MYO10: variants seen among roughly 807,000 people sequenced by gnomAD.
MYO10 encodes the protein myosin X.
MYO10 carries 133 observed loss-of-function variants against 257.3 expected under a neutral mutation model. That is an observed-to-expected ratio of 0.52 (90% CI 0.45 to 0.60). The LOEUF is 0.60. Among genes scored for constraint, MYO10 ranks in the 20% least tolerant of loss-of-function variants. The probability of loss-of-function intolerance (pLI) is 0.00; values close to 1 mark genes in which losing one functional copy is unlikely to be tolerated. For synonymous variants in MYO10, 1,104 were observed against 1,028.6 expected (o/e 1.07, Z -1.40); for missense variants, 2,399 against 2,635.7 (o/e 0.91, Z 1.97).
chr5:16,723,263 CT>C (rs1438434866), intron 19 of MYO10, among the ~76,000 whole-genome samples: 2 of 152,070 alleles, frequency 1.3e-5, no homozygotes, highest in Non-Finnish European at 2.9e-5. Context: ...TGGTGGGCAC[CT>C]GTAGTTCCAG....
chr5:16,916,705 G>A (rs927432133), intron 1 of MYO10, among the ~76,000 whole-genome samples: 2 of 152,078 alleles, frequency 1.3e-5, no homozygotes, highest in Non-Finnish European at 2.9e-5. Flanking sequence ...CACTGTGGCT[G>A]GCAAGAAAAC....
In MYO10 at chr5:16,742,136, AT is replaced by A. The variant is rs778337548; in HGVS notation, c.1929+12691del. ...TCTTGATTTTAAAAGCCAATCAATAATTTTTTTTTAAAAAAAGTCCCAGGAC... is the reference window on the plus strand; with the variant it reads ...TCTTGATTTTAAAAGCCAATCAATAATTTTTTTTAAAAAAAGTCCCAGGAC... On this transcript the variant is annotated intron_variant, in intron 19 of 40. Transcript: ENST00000513610. The A allele has an allele frequency of 4.7e-5, 46 of 984,690 alleles. 1 individual carries two copies. Among genetic ancestry groups the A allele is most frequent in the African/African-American group, 1.7e-4 (10 of 57,212 alleles). 61.0% of individuals were successfully genotyped at this position (984,690 alleles called of 1,614,324 possible). A position where few individuals can be genotyped will look rare whatever the true frequency, so the allele number is the denominator to read the frequency against.
Position 16,701,587 on chromosome 5 carries a change from C to A in MYO10, c.2808G>T (p.Arg936Ser). The change falls in exon 25 of 41, where the codon AGG (arginine) becomes AGT (serine). Residue 936 changes from arginine to serine, a missense_variant. Arg to Ser is a moderately radical substitution (Grantham distance 110). This residue lies in a region of MYO10 where 1,820 missense variants were observed against 1,939.4 expected (regional missense o/e 0.94). Coordinates refer to ENST00000513610, the MANE Select transcript of MYO10 (RefSeq NM_012334.3). This position sits in a 1 kb window ranked among gnomAD's most constrained non-coding sequence, Gnocchi z 8.1. ...ELRRLEEEAC[R>S]AAQEFLESLN... ...GGGACTCGAGGAACTCCTGGGCCGC[C>A]CTGCACGCTTCCTCCTCCAGCCTGC... 1 of 1,613,788 alleles carries A rather than the reference C, an allele frequency of 6.2e-7. No homozygotes were observed. Among genetic ancestry groups the A allele is most frequent in the Non-Finnish European group, 8.5e-7 (1 of 1,179,842 alleles).
chr5:16,854,877 C>A (rs12188380), intron 2 of MYO10, among the ~76,000 whole-genome samples: 3 of 151,654 alleles, frequency 2.0e-5, no homozygotes, highest in Admixed American at 2.0e-4. Flanking sequence ...ACTAAAAATA[C>A]AAAAATTAGC....
chr5:16,684,644 T>C (rs1441992441), intron 29 of MYO10, among the ~76,000 whole-genome samples: 1 of 152,252 alleles, frequency 6.6e-6, no homozygotes, highest in African/African-American at 2.4e-5. Context: ...AATCTTACAC[T>C]TCTTCTCCTA....
At chr5:16,734,116 A>AAG (rs1416279702) in intron 19 of MYO10, among the ~76,000 whole-genome samples, 1 of 151,984 alleles carries the variant, frequency 6.6e-6, no homozygotes, top group Non-Finnish European at 1.5e-5. Context: ...TGCAAAAAAA[A>AAG]AAAGAAAGAA....
At chr5:16,765,673 T>C (rs1740841730) in intron 11 of MYO10, among the ~76,000 whole-genome samples, 2 of 152,214 alleles carry the variant, frequency 1.3e-5, no homozygotes, top group South Asian at 2.1e-4. Context: ...GTACCAGACA[T>C]TAAATGCTCA....
intron 3 of MYO10, among the ~76,000 whole-genome samples, chr5:16,816,363 ACT>A (rs1461457297): frequency 1.4e-5 from 2 of 142,744 alleles, no homozygotes; most frequent in East Asian, 4.1e-4. Context: ...AGGCAAATAC[ACT>A]CTTTTTTTTT....
chr5:16,681,149 T>G (rs1432701521), intron 32 of MYO10, among the ~76,000 whole-genome samples, 160 bp downstream of exon 32: 4 of 151,796 alleles, frequency 2.6e-5, no homozygotes, highest in Admixed American at 6.6e-5. Flanking sequence ...CACTAAGTGG[T>G]CACATAGCTA....
At chr5:16,741,113 CG>C (rs1192810153) in intron 19 of MYO10, among the ~76,000 whole-genome samples, 2 of 152,114 alleles carry the variant, frequency 1.3e-5, no homozygotes, top group Non-Finnish European at 2.9e-5. Context: ...ATTCCTCCAT[CG>C]GGGGGAGGCA....
At chr5:16,776,503 T>C (rs982137734) in intron 9 of MYO10, among the ~76,000 whole-genome samples, 1 of 152,226 alleles carries the variant, frequency 6.6e-6, no homozygotes, top group African/African-American at 2.4e-5. Context: ...ATATCTTTTA[T>C]AAGTAGAATG....
intron 2 of MYO10, among the ~76,000 whole-genome samples, chr5:16,851,058 G>A (rs774971112): frequency 3.3e-5 from 5 of 150,586 alleles, no homozygotes; most frequent in Non-Finnish European, 5.9e-5. Flanking sequence ...CCGCTTTCAG[G>A]CTCCCAAAGT....
intron 33 of MYO10, 57 bp from the exon 34 acceptor site, chr5:16,676,211 T>A: frequency 6.3e-7 from 1 of 1,590,942 alleles, no homozygotes. Context: ...TACATATAAA[T>A]ATTTTTCAAG....
rs1553996587 is a variant in MYO10 at position 16,791,547 on chromosome 5, C to CACACACACACAT, written c.467+3098_467+3099insATGTGTGTGTGT. On this transcript the variant is annotated intron_variant, in intron 4 of 40. Coordinates refer to ENST00000513610, the MANE Select transcript of MYO10 (RefSeq NM_012334.3). Reference sequence around the variant, plus strand: ...CTCCTTCCGTTTTAATACATACATACACACACACACACACATACACATATG... The same window carrying CACACACACACAT: ...CTCCTTCCGTTTTAATACATACATACACACACACACATACACACACACACACATACACATATG... Among the ~76,000 whole-genome samples the CACACACACACAT allele has an allele frequency of 6.9e-3, 444 of 64,760 alleles. 2 individuals carry two copies. The highest frequency in any genetic ancestry group is 0.018 in the African/African-American group (421 of 23,446). The allele number at this position is 64,760 out of a possible 152,430, so 42.5% of individuals were successfully genotyped here.
intron 15 of MYO10, 81 bp downstream of exon 15, chr5:16,762,464 C>T (rs571401050): frequency 9.9e-6 from 11 of 1,113,090 alleles, no homozygotes; most frequent in Middle Eastern, 2.2e-4. Context: ...GTTGGGCCAG[C>T]GGACTGACAT....
In MYO10 at chr5:16,786,823, A is replaced by AG. The variant is rs1553996068; in HGVS notation, c.468-3355dup. Among the ~76,000 whole-genome samples, 5 of 152,216 alleles carry AG rather than the reference A, an allele frequency of 3.3e-5. No individual in the cohort carries two copies. The South Asian group carries it at 1.0e-3, about 32-fold the overall frequency. On this transcript the variant is annotated intron_variant, in intron 4 of 40. Transcript: ENST00000513610. Reference sequence around the variant, plus strand: ...TGGCTGCATATTAGAATCACCTAATAGGTCCCTCGTCCAAACCTGTGGGTG... The same window carrying AG: ...TGGCTGCATATTAGAATCACCTAATAGGGTCCCTCGTCCAAACCTGTGGGTG...
chr5:16,935,113 G>A (rs1746398610), intron 1 of MYO10, among the ~76,000 whole-genome samples: 2 of 152,150 alleles, frequency 1.3e-5, no homozygotes, highest in Non-Finnish European at 2.9e-5. Context: ...CCTAAAGAGG[G>A]CATCCGTTTC....
intron 19 of MYO10, among the ~76,000 whole-genome samples, chr5:16,734,673 C>T (rs560703792): frequency 5.3e-5 from 8 of 152,016 alleles, no homozygotes; most frequent in Non-Finnish European, 8.8e-5. Context: ...GACGTGGTGG[C>T]GCACACCTGT....
intron 2 of MYO10, among the ~76,000 whole-genome samples, chr5:16,845,676 T>A (rs2126730924): frequency 6.6e-6 from 1 of 152,010 alleles, no homozygotes; most frequent in Non-Finnish European, 1.5e-5. Flanking sequence ...TCTTTAAAGA[T>A]GAAAATAAGC....
Sources: allele counts gnomAD v4.1 joint callset (sites outside exome capture counted in the v4.1 genomes callset), GRCh38; gene constraint gnomAD v4.1.1; regional missense constraint gnomAD v4.1.1; non-coding constraint Gnocchi (gnomAD v3.1); transcripts MANE v1.5; gene names NCBI Gene and HGNC (gene_info 2026-07-23, HGNC 2026-07-21).